Variants in TSTD2 observed in about 807,000 individuals in gnomAD.
TSTD2 encodes thiosulfate sulfurtransferase like domain containing 2.
A neutral mutation model predicts 47.9 loss-of-function variants in TSTD2; 37 were observed. The observed-to-expected ratio is 0.77, with a 90% CI of 0.59 to 1.02. The LOEUF is 1.02. Among genes scored for constraint, TSTD2 ranks in the 50% least tolerant of loss-of-function variants. The pLI, the probability that TSTD2 is intolerant of heterozygous loss-of-function variation, is 0.00. For synonymous variants in TSTD2, 201 were observed against 215.9 expected (o/e 0.93, Z 0.61); for missense variants, 586 against 616.0 (o/e 0.95, Z 0.52).
intron 3 of TSTD2, among the ~76,000 whole-genome samples, chr9:97,621,952 T>G (rs981626602): frequency 2.5e-4 from 38 of 152,314 alleles, no homozygotes; most frequent in African/African-American, 9.1e-4. Context: ...CATGCTGGTT[T>G]TGTGGCTCAG....
rs1319298773 is a variant in TSTD2, at chr9:97,600,475, C to CTT, written c.*1992_*1993dup. On this transcript the variant is annotated 3_prime_UTR_variant, in exon 10 of 10. Transcript: ENST00000341170. The stretch of plus-strand genomic sequence containing the variant: ...AACTTTTTCCTTATTGAATGCCAAC[C>CTT]TTATGATGGATGTGAAAATCTACGG... 2.0e-6 allele frequency: 2 copies of CTT among 985,564 alleles called. No homozygotes were observed. Among genetic ancestry groups the CTT allele is most frequent in the African/African-American group, 3.5e-5 (2 of 57,318 alleles). 61.1% of individuals were successfully genotyped at this position (985,564 alleles called of 1,614,324 possible).
intron 8 of TSTD2, 59 bp downstream of exon 8, chr9:97,605,424 T>C (rs1826348249): frequency 1.2e-5 from 20 of 1,600,574 alleles, no homozygotes; most frequent in Non-Finnish European, 1.7e-5. Context: ...CCACGTAAGC[T>C]GCTGGTGGAG....
intron 6 of TSTD2, 32 bp from the exon 7 acceptor site, chr9:97,606,293 CAA>C (rs765846831): frequency 1.4e-6 from 2 of 1,442,660 alleles, no homozygotes; most frequent in African/African-American, 2.9e-5. Flanking sequence ...TATATTAAAA[CAA>C]AGACAAAAAA....
intron 1 of TSTD2, among the ~76,000 whole-genome samples, chr9:97,632,621 C>A (rs1296023584): frequency 6.6e-6 from 1 of 151,692 alleles, no homozygotes; most frequent in African/African-American, 2.4e-5. Flanking sequence ...TAGGCTCAAG[C>A]GGATCCGCCC....
At chr9:97,631,843 CAAA>C (rs57184912) in intron 1 of TSTD2, among the ~76,000 whole-genome samples, 2 of 146,954 alleles carry the variant, frequency 1.4e-5, no homozygotes, top group Admixed American at 6.7e-5. Context: ...GACCCTGTCT[CAAA>C]AAAAAAAAAT....
At chr9:97,620,945 T>G (rs984280883) in intron 3 of TSTD2, among the ~76,000 whole-genome samples, 1 of 152,212 alleles carries the variant, frequency 6.6e-6, no homozygotes, top group African/African-American at 2.4e-5. Flanking sequence ...TACAGAAATT[T>G]GCATGAGTAA....
intron 2 of TSTD2, 168 bp downstream of exon 2, chr9:97,627,230 C>T: frequency 7.7e-7 from 1 of 1,299,172 alleles, no homozygotes; most frequent in East Asian, 2.9e-5. Context: ...TATTCCAGGA[C>T]CACACCTTGC....
intron 1 of TSTD2, among the ~76,000 whole-genome samples, chr9:97,630,861 A>C (rs1342266919): frequency 6.6e-6 from 1 of 152,230 alleles, no homozygotes; most frequent in Non-Finnish European, 1.5e-5. Flanking sequence ...TATATAATAA[A>C]TGACTCCATA....
In TSTD2 at chr9:97,606,139, T is replaced by C. The variant is rs765669545; in HGVS notation, c.954+4A>G. The C allele has an allele frequency of 1.3e-6, 2 of 1,576,088 alleles. No individual in the cohort carries two copies. The highest frequency in any genetic ancestry group is 1.1e-5 in the South Asian group (1 of 89,900). The stretch of plus-strand genomic sequence containing the variant: ...CAGAGAACTCAGTTCTGGCTTTTAC[T>C]TACTATTTTGCTTTCATAGAAGTTT... On this transcript the variant is annotated splice_donor_region_variant and intron_variant, in intron 7 of 9. Coordinates refer to ENST00000341170, the MANE Select transcript of TSTD2 (RefSeq NM_139246.5).
chr9:97,605,177 T>C (rs1826344243), intron 8 of TSTD2, among the ~76,000 whole-genome samples: 1 of 152,214 alleles, frequency 6.6e-6, no homozygotes, highest in South Asian at 2.1e-4. Context: ...TTGGGACATG[T>C]AATGTTACTG....
chr9:97,619,743 T>C (rs1180152890), intron 3 of TSTD2, among the ~76,000 whole-genome samples: 1 of 152,228 alleles, frequency 6.6e-6, no homozygotes, highest in Non-Finnish European at 1.5e-5. Context: ...CTGTTTACAT[T>C]ATTGATAAGG....
intron 7 of TSTD2, among the ~76,000 whole-genome samples, chr9:97,605,892 C>G (rs2282066): frequency 0.12 from 17,890 of 152,220 alleles, 2,983 homozygotes; most frequent in African/African-American, 0.36. Flanking sequence ...ATCCTTGATA[C>G]ATGTCAAAGG....
At chr9:97,605,991 T>C (rs1693344658) in intron 7 of TSTD2, 152 bp downstream of exon 7, 3 of 702,722 alleles carry the variant, frequency 4.3e-6, no homozygotes, top group Admixed American at 5.2e-5. Flanking sequence ...TTCTGAGTTT[T>C]AGGACTTGGG....
chr9:97,609,902 A>T (rs1182553774), intron 6 of TSTD2, among the ~76,000 whole-genome samples: 1 of 152,218 alleles, frequency 6.6e-6, no homozygotes. Flanking sequence ...AACCCCCAAA[A>T]ACCTGCCAAA....
At chr9:97,616,164 T>TA (rs1248782205) in intron 4 of TSTD2, among the ~76,000 whole-genome samples, 2 of 152,110 alleles carry the variant, frequency 1.3e-5, no homozygotes, top group Non-Finnish European at 2.9e-5. Context: ...TCCTTGAAGA[T>TA]AGTTTGCTTG....
Position 97,607,704 on chromosome 9 carries a change from A to G in TSTD2, c.836-1443T>C, listed in dbSNP as rs1051171590. ...GATCACCTGAGGTCAGGAGTTCAAG[A>G]CCAGCCTGGCTAACATGGTGAAACC... On this transcript the variant is annotated intron_variant, in intron 6 of 9. Coordinates refer to ENST00000341170, the MANE Select transcript of TSTD2 (RefSeq NM_139246.5). 3.3e-5 allele frequency among the ~76,000 whole-genome samples: 5 copies of G among 152,278 alleles called. No individual in the cohort carries two copies. The South Asian group carries it at 1.0e-3, about 32-fold the overall frequency.
At chr9:97,614,703 C>T (rs1011818600) in intron 4 of TSTD2, among the ~76,000 whole-genome samples, 1 of 152,116 alleles carries the variant, frequency 6.6e-6, no homozygotes, top group Non-Finnish European at 1.5e-5. Flanking sequence ...ATGTCAATAC[C>T]CTGAGCTGGT....
At chr9:97,614,311 T>A (rs1826507352) in intron 4 of TSTD2, among the ~76,000 whole-genome samples, 1 of 152,044 alleles carries the variant, frequency 6.6e-6, no homozygotes, top group Non-Finnish European at 1.5e-5. Context: ...TAACCCTACA[T>A]GCCTAGATAA....
At chr9:97,629,582 C>T (rs923203132) in intron 1 of TSTD2, among the ~76,000 whole-genome samples, 1 of 152,206 alleles carries the variant, frequency 6.6e-6, no homozygotes, top group Non-Finnish European at 1.5e-5. Context: ...TTTCCTTTCT[C>T]ATGAAAATGT....
Sources: gnomAD v4.1 joint callset for allele counts (sites outside exome capture counted in the v4.1 genomes callset) on GRCh38, gnomAD v4.1.1 for gene constraint, MANE v1.5 for transcripts, NCBI Gene and HGNC (gene_info 2026-07-23, HGNC 2026-07-21) for gene names.